The following MAST4 variants were observed in gnomAD, a reference collection of about 807,000 sequenced individuals.
The protein encoded by MAST4 is microtubule-associated serine/threonine-protein kinase 4.
A neutral mutation model predicts 162.7 loss-of-function variants in MAST4; 89 were observed. The observed-to-expected ratio is 0.55, with a 90% CI of 0.46 to 0.65. MAST4 has a LOEUF of 0.65. MAST4 is among the 30% of genes least tolerant of loss of function. MAST4 has a pLI of 0.00. For synonymous variants in MAST4, 1,479 were observed against 1,361.1 expected, an observed-to-expected ratio of 1.09 and a Z score of -1.91; for missense variants, 3,153 against 3,374.0, an observed-to-expected ratio of 0.93 and a Z score of 1.62.
rs1467130009 is a variant in MAST4 at position 67,114,183 on chromosome 5, A to G, written c.1555A>G (p.Ile519Val). ...TAAAACCGACATTCCCAGGTACATCATTAGCCAACTGGGACTCAATAAGGA... is the reference window on the plus strand; with the variant it reads ...TAAAACCGACATTCCCAGGTACATCGTTAGCCAACTGGGACTCAATAAGGA... ...GIKTDIPRYIISQLGLNKDPL... is the reference protein window; with the variant it reads ...GIKTDIPRYIVSQLGLNKDPL... Residue 519 changes from isoleucine to valine, a missense_variant, in exon 12 of 29, where the codon ATT (isoleucine) becomes GTT (valine). Coordinates refer to ENST00000403625, the MANE Select transcript of MAST4 (RefSeq NM_001164664.2). The G allele has an allele frequency of 1.9e-6, 3 of 1,611,820 alleles. No homozygotes were observed. Among genetic ancestry groups the G allele is most frequent in the South Asian group, 1.1e-5 (1 of 90,622 alleles).
At chr5:66,602,196 T>A (rs778543733) in intron 1 of MAST4, among the ~76,000 whole-genome samples, 14 of 152,134 alleles carry the variant, frequency 9.2e-5, no homozygotes, top group Non-Finnish European at 1.8e-4. Flanking sequence ...GAGGGTCTTG[T>A]GAATGCCCAT....
At chr5:67,156,153 A>G (rs1359594907) in intron 26 of MAST4, among the ~76,000 whole-genome samples, 1 of 152,198 alleles carries the variant, frequency 6.6e-6, no homozygotes, top group East Asian at 1.9e-4. Context: ...TTTTACGGGA[A>G]TAAACGCATG....
chr5:67,068,504 C>A (rs1256289294), intron 5 of MAST4, among the ~76,000 whole-genome samples: 1 of 152,174 alleles, frequency 6.6e-6, no homozygotes, highest in African/African-American at 2.4e-5. Context: ...GAGAAACCAT[C>A]TCCATGATCC....
intron 4 of MAST4, among the ~76,000 whole-genome samples, chr5:66,946,991 C>T (rs916655499): frequency 6.6e-6 from 1 of 152,016 alleles, no homozygotes; most frequent in African/African-American, 2.4e-5. Context: ...TACCTTAGTG[C>T]CCCCTAATGA....
At chr5:67,137,644 G>A (rs1769833351) in intron 19 of MAST4, among the ~76,000 whole-genome samples, 2 of 152,200 alleles carry the variant, frequency 1.3e-5, no homozygotes, top group South Asian at 4.1e-4. Context: ...TGGAGGACCT[G>A]TTCTTACCTA....
intron 5 of MAST4, among the ~76,000 whole-genome samples, chr5:67,069,881 A>AGAGTGTGTGT (rs1554091814): frequency 4.9e-5 from 7 of 142,666 alleles, no homozygotes; most frequent in Non-Finnish European, 7.6e-5. Flanking sequence ...TTTGAGAGAA[A>AGAGTGTGTGT]GTGTGTGTGT....
At chr5:67,076,886 C>T (rs1446054328) in intron 5 of MAST4, among the ~76,000 whole-genome samples, 1 of 152,208 alleles carries the variant, frequency 6.6e-6, no homozygotes, top group Non-Finnish European at 1.5e-5. Flanking sequence ...AATACAAACT[C>T]TGAGGCTCCA....
intron 3 of MAST4, among the ~76,000 whole-genome samples, chr5:66,859,878 ATTG>A (rs1759972602): frequency 6.6e-6 from 1 of 152,216 alleles, no homozygotes; most frequent in South Asian, 2.1e-4. Flanking sequence ...TGTAGGTCAT[ATTG>A]TTTATGGCTC....
intron 5 of MAST4, among the ~76,000 whole-genome samples, chr5:67,057,690 A>G (rs765282338): frequency 1.5e-4 from 23 of 152,046 alleles, no homozygotes; most frequent in Non-Finnish European, 3.2e-4. Flanking sequence ...AAAATAATCC[A>G]GAAGTCTCAA....
chr5:67,067,348 A>T (rs1760370718), intron 5 of MAST4, among the ~76,000 whole-genome samples: 1 of 152,172 alleles, frequency 6.6e-6, no homozygotes, highest in African/African-American at 2.4e-5. Flanking sequence ...TATCAAATGG[A>T]AGTAGTCAAA....
intron 14 of MAST4, among the ~76,000 whole-genome samples, chr5:67,123,301 C>T (rs1172082033): frequency 6.6e-6 from 1 of 152,194 alleles, no homozygotes; most frequent in Non-Finnish European, 1.5e-5. Flanking sequence ...ACATGGCTTT[C>T]TCAGCATCAT....
intron 15 of MAST4, among the ~76,000 whole-genome samples, chr5:67,130,882 T>G (rs1321711706): frequency 1.3e-5 from 2 of 152,202 alleles, no homozygotes; most frequent in Non-Finnish European, 2.9e-5. Context: ...TTTTTTTCTT[T>G]CTTTAAGAGG....
At chr5:66,880,585 A>G (rs1388447023) in intron 3 of MAST4, among the ~76,000 whole-genome samples, 2 of 152,210 alleles carry the variant, frequency 1.3e-5, no homozygotes, top group Middle Eastern at 3.4e-3. Flanking sequence ...CCCCTTAACA[A>G]TGGACGTTTG....
chr5:67,152,360 A>G (rs1771935531), intron 24 of MAST4, among the ~76,000 whole-genome samples: 1 of 152,252 alleles, frequency 6.6e-6, no homozygotes, highest in Non-Finnish European at 1.5e-5. Context: ...ATAGAAACTA[A>G]AAAATTATAA....
At chr5:66,911,474 G>T (rs912754839) in intron 4 of MAST4, among the ~76,000 whole-genome samples, 6 of 151,044 alleles carry the variant, frequency 4.0e-5, no homozygotes, top group Non-Finnish European at 8.8e-5. Flanking sequence ...GGCCAAGACA[G>T]GGGGATTGCT....
chr5:67,090,025 A>C, intron 5 of MAST4, 137 bp from the exon 6 acceptor site: 16 of 568,890 alleles, frequency 2.8e-5, no homozygotes, highest in Middle Eastern at 5.1e-4. Flanking sequence ...TCCCTGGTCC[A>C]GGTAAAACTA....
intron 4 of MAST4, among the ~76,000 whole-genome samples, chr5:67,006,274 A>T (rs1752022152): frequency 6.6e-6 from 1 of 152,186 alleles, no homozygotes; most frequent in East Asian, 1.9e-4. Flanking sequence ...TGATACCACT[A>T]AACTATGTTG....
At chr5:66,991,720 ATTTTGAAAG>A (rs1750083350) in intron 4 of MAST4, among the ~76,000 whole-genome samples, 1 of 152,192 alleles carries the variant, frequency 6.6e-6, no homozygotes. Flanking sequence ...AAAAATGATT[ATTTTGAAAG>A]GGGAGAGAAA....
At chr5:66,980,181 C>T (rs750800067) in intron 4 of MAST4, among the ~76,000 whole-genome samples, 27 of 152,154 alleles carry the variant, frequency 1.8e-4, no homozygotes, top group Non-Finnish European at 3.7e-4. Flanking sequence ...ATGTACATAT[C>T]TGGCCAGAGA....
Sources: gnomAD v4.1 joint callset for allele counts (sites outside exome capture counted in the v4.1 genomes callset) on GRCh38, gnomAD v4.1.1 for gene constraint, MANE v1.5 for transcripts, NCBI Gene and HGNC (gene_info 2026-07-23, HGNC 2026-07-21) for gene names.